Variants in KIF3C observed in about 807,000 individuals in gnomAD.
KIF3C encodes the protein kinesin-like protein KIF3C.
A neutral mutation model predicts 67.7 loss-of-function variants in KIF3C; 12 were observed. That is an observed-to-expected ratio of 0.18 (90% CI 0.11 to 0.29). The LOEUF is 0.29. KIF3C is among the 10% of genes least tolerant of loss of function. KIF3C has a pLI of 1.00. For missense variants in KIF3C, 789 were observed against 1,059.6 expected (o/e 0.74, Z 3.55); for synonymous variants, 393 against 426.2 (o/e 0.92, Z 0.96).
chr2:25,970,965 GAAAA>G (rs970182694), intron 1 of KIF3C, among the ~76,000 whole-genome samples: 2 of 49,324 alleles, frequency 4.1e-5, no homozygotes, highest in African/African-American at 1.7e-4. Flanking sequence ...CTCTATGAAG[GAAAA>G]AAAAAAAAAA....
At chr2:25,957,707 C>A (rs1378589364) in intron 1 of KIF3C, among the ~76,000 whole-genome samples, 1 of 152,188 alleles carries the variant, frequency 6.6e-6, no homozygotes, top group Non-Finnish European at 1.5e-5. Flanking sequence ...GGGAACACAG[C>A]CAGACAGGGG....
rs377200290 is a variant in KIF3C at position 25,955,679 on chromosome 2, G to A, written c.1648-16C>T. ...CACGACGTTTCTAGGCCAAGGACGGGCAGTGTGGCTCAAAGGAGCAGTGCA... is the reference window on the plus strand; with the variant it reads ...CACGACGTTTCTAGGCCAAGGACGGACAGTGTGGCTCAAAGGAGCAGTGCA... On this transcript the variant is annotated splice_polypyrimidine_tract_variant and intron_variant, in intron 2 of 7. Coordinates refer to ENST00000264712, the MANE Select transcript of KIF3C (RefSeq NM_002254.8). This position sits in a 1 kb window ranked among gnomAD's most constrained non-coding sequence, Gnocchi z 5.0. The A allele has an allele frequency of 6.3e-4, 1,020 of 1,613,826 alleles. 16 individuals are homozygous for A. In the South Asian group the frequency reaches 9.3e-3, roughly 15 times the overall value.
intron 1 of KIF3C, among the ~76,000 whole-genome samples, chr2:25,959,323 G>C (rs778625141): frequency 6.6e-5 from 10 of 152,230 alleles, no homozygotes; most frequent in Admixed American, 6.5e-4. Context: ...CCCCCTGTGA[G>C]CTCCCTCATG....
chr2:25,970,950 C>G (rs1006286687), intron 1 of KIF3C, among the ~76,000 whole-genome samples: 1 of 143,258 alleles, frequency 7.0e-6, no homozygotes, highest in Admixed American at 7.0e-5. Context: ...ATGGTGAAAC[C>G]CTGTCTCTAT....
At chr2:25,978,545 C>T (rs1664475851) in intron 1 of KIF3C, among the ~76,000 whole-genome samples, 1 of 152,064 alleles carries the variant, frequency 6.6e-6, no homozygotes, top group African/African-American at 2.4e-5. Context: ...TGGGCTATGC[C>T]TCTGGTGCAA....
intron 5 of KIF3C, chr2:25,934,018 T>C (rs949921765): frequency 2.7e-6 from 1 of 377,318 alleles, no homozygotes. Flanking sequence ...ATTCATAGAG[T>C]GGAATATTAC....
At chr2:25,947,476 G>A (rs1247342941) in intron 5 of KIF3C, among the ~76,000 whole-genome samples, 7 of 151,824 alleles carry the variant, frequency 4.6e-5, no homozygotes, top group Non-Finnish European at 7.4e-5. Context: ...AGCTACTCGG[G>A]AGGCTGAGGC....
Position 25,982,015 on chromosome 2 carries a change from C to G in KIF3C, c.-98G>C, listed in dbSNP as rs1433827000. 2 of 1,002,444 alleles carry G rather than the reference C, an allele frequency of 2.0e-6. No homozygotes were observed. Among genetic ancestry groups the G allele is most frequent in the African/African-American group, 1.6e-5 (1 of 61,502 alleles). The allele number at this position is 1,002,444 out of a possible 1,614,324, so 62.1% of individuals were successfully genotyped here. A position where few individuals can be genotyped will look rare whatever the true frequency, so the allele number is the denominator to read the frequency against. On this transcript the variant is annotated 5_prime_UTR_variant, in exon 1 of 8. Coordinates refer to ENST00000264712, the MANE Select transcript of KIF3C (RefSeq NM_002254.8). ...CGGGATCAGCGGGGCCGGCCCAGCCCCCAGGCGCAGCTCTTCAATCCGCAT... is the reference window on the plus strand; with the variant it reads ...CGGGATCAGCGGGGCCGGCCCAGCCGCCAGGCGCAGCTCTTCAATCCGCAT...
At chr2:25,959,033 C>A in intron 1 of KIF3C, among the ~76,000 whole-genome samples, 1 of 152,150 alleles carries the variant, frequency 6.6e-6, no homozygotes, top group East Asian at 1.9e-4. Flanking sequence ...GAGATCACGC[C>A]ATTGTACTCC....
At chr2:25,953,522 G>A (rs1488138186) in intron 4 of KIF3C, among the ~76,000 whole-genome samples, 2 of 151,022 alleles carry the variant, frequency 1.3e-5, no homozygotes, top group African/African-American at 2.4e-5. Flanking sequence ...CACCACTCTC[G>A]GCTAATTTTT....
At position 25,928,876 on chromosome 2, in the gene KIF3C, C is replaced by T; in HGVS notation, c.*102G>A. On this transcript the variant is annotated 3_prime_UTR_variant, in exon 8 of 8. Coordinates refer to ENST00000264712, the MANE Select transcript of KIF3C (RefSeq NM_002254.8). ...TCACCCCTGCACACACGCACACGCA[C>T]ATGCACGCACACGCACACGCACCAA... 1 of 908,364 alleles carries T rather than the reference C, an allele frequency of 1.1e-6. No homozygotes were observed. Among genetic ancestry groups the T allele is most frequent in the Non-Finnish European group, 1.7e-6 (1 of 577,346 alleles). The allele number at this position is 908,364 out of a possible 1,614,324, so 56.3% of individuals were successfully genotyped here.
At chr2:25,973,281 C>G (rs1020840896) in intron 1 of KIF3C, among the ~76,000 whole-genome samples, 1 of 151,992 alleles carries the variant, frequency 6.6e-6, no homozygotes, top group South Asian at 2.1e-4. Context: ...AGGTCAGGCA[C>G]GGTGGCTCAT....
Position 25,938,281 on chromosome 2 carries a change from C to G in KIF3C, c.2007-8218G>C, listed in dbSNP as rs181316311. On this transcript the variant is annotated intron_variant, in intron 5 of 7. Coordinates refer to ENST00000264712, the MANE Select transcript of KIF3C (RefSeq NM_002254.8). ...AGGTTACTCAGAGAATTGCTTGAAC[C>G]TGGGAGATGGAGGTTTCAGTGAGCT... 3.3e-5 allele frequency: 15 copies of G among 452,816 alleles called. No homozygotes were observed. In the East Asian group the frequency reaches 8.5e-4, roughly 26 times the overall value. The allele number at this position is 452,816 out of a possible 1,614,324, so 28.0% of individuals were successfully genotyped here.
chr2:25,929,149 C>A, intron 7 of KIF3C, 78 bp from the exon 8 acceptor site: 1 of 1,433,254 alleles, frequency 7.0e-7, no homozygotes, highest in Non-Finnish European at 9.7e-7. Flanking sequence ...CTCCTTTGCC[C>A]CATCCTGTTG....
At chr2:25,945,145 A>G (rs920141946) in intron 5 of KIF3C, among the ~76,000 whole-genome samples, 1 of 151,468 alleles carries the variant, frequency 6.6e-6, no homozygotes, top group African/African-American at 2.4e-5. Flanking sequence ...AAAAAAAAAA[A>G]TTTAAGGGAA....
chr2:25,941,783 C>G (rs891511155), intron 5 of KIF3C, among the ~76,000 whole-genome samples: 1 of 151,704 alleles, frequency 6.6e-6, no homozygotes, highest in African/African-American at 2.4e-5. Flanking sequence ...TCCCAGCTAC[C>G]CAGGAGGCTG....
chr2:25,977,545 A>G (rs1316219722), intron 1 of KIF3C, among the ~76,000 whole-genome samples: 1 of 152,162 alleles, frequency 6.6e-6, no homozygotes, highest in Non-Finnish European at 1.5e-5. Context: ...ATGGCAGGGT[A>G]AAGAAGAAGT....
In KIF3C at chr2:25,927,694, C is replaced by CTAA. The variant is rs2090423291; in HGVS notation, c.*1281_*1283dup. 4 of 152,140 alleles carry CTAA rather than the reference C, an allele frequency of 2.6e-5. No individual in the cohort carries two copies. Among genetic ancestry groups the CTAA allele is most frequent in the Admixed American group, 2.6e-4 (4 of 15,252 alleles). 9.4% of individuals were successfully genotyped at this position (152,140 alleles called of 1,614,324 possible). On this transcript the variant is annotated 3_prime_UTR_variant, in exon 8 of 8. Transcript: ENST00000264712. Reference sequence around the variant, plus strand: ...CACACTATTAGGGCACTTTGAAATCCTAATTCACTCGCTTGCTTTCGTTAT... The same window carrying CTAA: ...CACACTATTAGGGCACTTTGAAATCCTAATAATTCACTCGCTTGCTTTCGTTAT...
chr2:25,944,008 A>G (rs1663361651), intron 5 of KIF3C, among the ~76,000 whole-genome samples: 1 of 152,184 alleles, frequency 6.6e-6, no homozygotes, highest in Non-Finnish European at 1.5e-5. Flanking sequence ...TGAAAAAGAA[A>G]AAGAAAAGAA....
Sources: gnomAD v4.1 joint callset for allele counts (sites outside exome capture counted in the v4.1 genomes callset) on GRCh38, gnomAD v4.1.1 for gene constraint, Gnocchi (gnomAD v3.1) non-coding constraint, MANE v1.5 for transcripts, NCBI Gene and HGNC (gene_info 2026-07-23, HGNC 2026-07-21) for gene names.